Variants in ZPBP observed in about 807,000 individuals in gnomAD.
The protein encoded by ZPBP is zona pellucida binding protein, also known as zona pellucida-binding protein 1.
A neutral mutation model predicts 44.8 loss-of-function variants in ZPBP; 26 were observed. The observed-to-expected ratio is 0.58, with a 90% CI of 0.43 to 0.81. The LOEUF (loss-of-function observed/expected upper bound fraction) is 0.81. Ranked by LOEUF, ZPBP falls within the 30% of genes least tolerant of loss-of-function variation. The pLI is 0.00. For missense variants in ZPBP, 409 were observed against 434.0 expected (o/e 0.94, Z 0.51); for synonymous variants, 174 against 153.2 (o/e 1.14, Z -1.00).
At chr7:49,972,865 T>A (rs1392043047) in intron 7 of ZPBP, among the ~76,000 whole-genome samples, 2 of 151,354 alleles carry the variant, frequency 1.3e-5, no homozygotes, top group Admixed American at 1.3e-4. Context: ...GATAATGGCA[T>A]AAAGGCAGAC....
intron 2 of ZPBP, among the ~76,000 whole-genome samples, chr7:49,899,987 G>A (rs1375696516): frequency 6.6e-6 from 1 of 151,586 alleles, no homozygotes; most frequent in Non-Finnish European, 1.5e-5. Context: ...AGACTACAAG[G>A]GAATTAAATT....
chr7:49,914,935 G>A (rs1237200430), intron 1 of ZPBP: 1 of 152,126 alleles, frequency 6.6e-6, no homozygotes, highest in East Asian at 1.9e-4. Flanking sequence ...CCTAATAATT[G>A]TTAAATGATT....
At chr7:50,046,460 A>C (rs1199515333) in intron 4 of ZPBP, among the ~76,000 whole-genome samples, 1 of 151,500 alleles carries the variant, frequency 6.6e-6, no homozygotes, top group Non-Finnish European at 1.5e-5. Context: ...AGAAAAAAAA[A>C]ATGGCCATCA....
At chr7:49,873,938 C>T (rs1361347487) in intron 2 of ZPBP, among the ~76,000 whole-genome samples, 3 of 149,666 alleles carry the variant, frequency 2.0e-5, no homozygotes, top group African/African-American at 7.4e-5. Context: ...AAAGATGAAA[C>T]AGTATTAGTA....
intron 7 of ZPBP, among the ~76,000 whole-genome samples, chr7:49,970,370 A>C (rs1796248346): frequency 6.6e-6 from 1 of 152,096 alleles, no homozygotes; most frequent in African/African-American, 2.4e-5. Flanking sequence ...ACATTCAGAA[A>C]AAAGATCAAT....
chr7:50,054,108 G>A (rs376198491), intron 4 of ZPBP, among the ~76,000 whole-genome samples: 5 of 152,040 alleles, frequency 3.3e-5, no homozygotes, highest in African/African-American at 1.2e-4. Flanking sequence ...CCAGGCTGGC[G>A]TCGAACTCCT....
chr7:50,031,524 T>A (rs937868863), intron 4 of ZPBP, among the ~76,000 whole-genome samples: 1 of 152,140 alleles, frequency 6.6e-6, no homozygotes, highest in African/African-American at 2.4e-5. Flanking sequence ...CTCATTTGAA[T>A]CTCTCAACAT....
At position 49,899,453 on chromosome 7, in the gene ZPBP, T is replaced by C. The variant is rs148438789; in HGVS notation, n.509+1665A>G. On this transcript the variant is annotated intron_variant and non_coding_transcript_variant, in intron 2 of 2. Transcript: ENST00000465922. ...AACTGTGGATAAAAAGGGACTACTA[T>C]ATAGCTTCAAAGTAAATGGATGGAT... is the stretch of plus-strand genomic sequence containing the variant. Among the ~76,000 whole-genome samples the C allele has an allele frequency of 1.1e-4, 16 of 152,184 alleles. No homozygotes were observed. The East Asian group carries it at 2.3e-3, about 22-fold the overall frequency.
rs148556225 is a variant in ZPBP at position 50,070,275 on chromosome 7, G to A, written c.334+11499C>T. ...CACTTCTGCCGCCCCCAGCCACTCT[G>A]GGTTGGATTAGTGGTTGGTACCCTG... On this transcript the variant is annotated intron_variant, in intron 3 of 7. Transcript: ENST00000046087. Among the ~76,000 whole-genome samples, 864 of 152,096 alleles carry A rather than the reference G, an allele frequency of 5.7e-3. 8 individuals carry two copies. The highest frequency in any genetic ancestry group is 0.019 in the African/African-American group (810 of 41,550).
At chr7:49,999,270 G>GTATATA (rs35784620) in intron 6 of ZPBP, among the ~76,000 whole-genome samples, 3 of 147,888 alleles carry the variant, frequency 2.0e-5, no homozygotes, top group African/African-American at 7.5e-5. Context: ...ATATGTGTGT[G>GTATATA]TATATATATA....
chr7:49,873,677 C>T (rs1302396815), intron 2 of ZPBP, among the ~76,000 whole-genome samples: 6 of 152,034 alleles, frequency 3.9e-5, no homozygotes, highest in African/African-American at 1.2e-4. Flanking sequence ...TGAATTTTTG[C>T]TTGTGGGTTG....
intron 7 of ZPBP, among the ~76,000 whole-genome samples, chr7:49,976,371 T>G (rs1796518938): frequency 6.6e-6 from 1 of 152,174 alleles, no homozygotes; most frequent in Non-Finnish European, 1.5e-5. Context: ...ATATGTTATG[T>G]CTAATGGTGT....
At chr7:49,977,101 C>CTAAATACATAAA (rs1796559811) in intron 7 of ZPBP, among the ~76,000 whole-genome samples, 3 of 138,506 alleles carry the variant, frequency 2.2e-5, no homozygotes, top group Admixed American at 2.2e-4. Context: ...GACTCCGTCT[C>CTAAATACATAAA]TAAATAAATA....
intron 2 of ZPBP, among the ~76,000 whole-genome samples, chr7:49,870,167 G>A (rs927796558): frequency 6.6e-5 from 10 of 152,160 alleles, no homozygotes; most frequent in Non-Finnish European, 1.5e-4. Flanking sequence ...TTGGGAGACC[G>A]AGGTGGGCGG....
chr7:49,906,002 C>A (rs143605407), intron 1 of ZPBP, among the ~76,000 whole-genome samples: 18 of 152,188 alleles, frequency 1.2e-4, no homozygotes, highest in Non-Finnish European at 2.1e-4. Context: ...CTGTGAATTG[C>A]CCACCCTTTC....
At chr7:50,083,813 A>G (rs1192267555) in intron 2 of ZPBP, among the ~76,000 whole-genome samples, 1 of 152,004 alleles carries the variant, frequency 6.6e-6, no homozygotes, top group African/African-American at 2.4e-5. Context: ...TATACCTCTT[A>G]CCGTATATAA....
chr7:49,878,607 A>G (rs1257478958), intron 2 of ZPBP, among the ~76,000 whole-genome samples: 3 of 152,132 alleles, frequency 2.0e-5, no homozygotes, highest in Non-Finnish European at 2.9e-5. Flanking sequence ...CAGTTTTATT[A>G]TATAATGACA....
At chr7:49,875,979 C>G (rs1791398888) in intron 2 of ZPBP, among the ~76,000 whole-genome samples, 1 of 152,120 alleles carries the variant, frequency 6.6e-6, no homozygotes, top group Non-Finnish European at 1.5e-5. Flanking sequence ...TTGCATTGTG[C>G]TGGCACACTT....
At chr7:49,944,744 T>C (rs1246451793) in intron 7 of ZPBP, among the ~76,000 whole-genome samples, 8 of 152,146 alleles carry the variant, frequency 5.3e-5, no homozygotes, top group Admixed American at 5.2e-4. Context: ...TTTATTTTCA[T>C]TTATTTTATC....
Sources: allele counts gnomAD v4.1 joint callset (sites outside exome capture counted in the v4.1 genomes callset), GRCh38; gene constraint gnomAD v4.1.1; transcripts MANE v1.5; gene names NCBI Gene and HGNC (gene_info 2026-07-23, HGNC 2026-07-21).